The following TBC1D1 variants were observed in gnomAD, a reference collection of about 807,000 sequenced individuals.
The protein encoded by TBC1D1 is TBC1 domain family member 1, also known as TBC1 (tre-2/USP6, BUB2, cdc16) domain family, member 1.
Under a neutral mutation model 125.6 loss-of-function variants are expected in TBC1D1, and 89 were observed. The ratio of observed to expected loss-of-function variants is 0.71; its 90% CI spans 0.60 to 0.85. The LOEUF is 0.85. TBC1D1 is among the 40% of genes least tolerant of loss of function. The pLI is 0.00. For synonymous variants in TBC1D1, 565 were observed against 564.1 expected (o/e 1.00, Z -0.02); for missense variants, 1,377 against 1,469.2 (o/e 0.94, Z 1.03).
intron 2 of TBC1D1, among the ~76,000 whole-genome samples, chr4:37,904,348 C>T (rs568673672): frequency 6.6e-6 from 1 of 152,300 alleles, no homozygotes; most frequent in East Asian, 1.9e-4. Context: ...TTAAAAACTA[C>T]ACGTATAACT....
At chr4:38,063,975 T>G (rs2152500614) in intron 12 of TBC1D1, among the ~76,000 whole-genome samples, 1 of 152,316 alleles carries the variant, frequency 6.6e-6, no homozygotes, top group East Asian at 1.9e-4. Flanking sequence ...AACCTGTAGT[T>G]GTCACTTGCC....
chr4:37,950,849 C>T (rs1304480756), intron 2 of TBC1D1, among the ~76,000 whole-genome samples: 1 of 151,548 alleles, frequency 6.6e-6, no homozygotes, highest in Non-Finnish European at 1.5e-5. Context: ...ACCCCCACCT[C>T]CCAGGTTCAA....
intron 12 of TBC1D1, among the ~76,000 whole-genome samples, chr4:38,061,839 T>G (rs1752824639): frequency 6.6e-6 from 1 of 152,236 alleles, no homozygotes; most frequent in African/African-American, 2.4e-5. Flanking sequence ...ACTTAGGAAC[T>G]GATTTGAAAC....
At chr4:38,036,018 G>C (rs531780247) in intron 8 of TBC1D1, among the ~76,000 whole-genome samples, 1 of 152,062 alleles carries the variant, frequency 6.6e-6, no homozygotes, top group Admixed American at 6.6e-5. Flanking sequence ...TTGTCACCTC[G>C]CCTTTCTTCT....
chr4:38,111,694 G>T (rs1044049118), intron 15 of TBC1D1, among the ~76,000 whole-genome samples: 4 of 152,168 alleles, frequency 2.6e-5, no homozygotes, highest in Non-Finnish European at 5.9e-5. Context: ...CAGGGGGAGG[G>T]CCTCATGGAC....
At chr4:38,015,445 T>C (rs2152428257) in intron 3 of TBC1D1, among the ~76,000 whole-genome samples, 1 of 152,284 alleles carries the variant, frequency 6.6e-6, no homozygotes, top group South Asian at 2.1e-4. Flanking sequence ...AAATATTAAT[T>C]TAGCCAATGG....
In TBC1D1 at chr4:38,133,140, C is replaced by A; in HGVS notation, c.3189C>A (p.Val1063=). 6.2e-7 allele frequency: 1 copy of A among 1,614,126 alleles called. No homozygotes were observed. The highest frequency in any genetic ancestry group is 8.5e-7 in the Non-Finnish European group (1 of 1,179,990). The change falls in exon 19 of 20, where the codon GTC becomes GTA. Residue 1063 remains valine, a synonymous_variant. Coordinates refer to ENST00000261439, the MANE Select transcript of TBC1D1 (RefSeq NM_015173.4). The stretch of plus-strand genomic sequence containing the variant: ...AAGCTTATGAAGTTGAGTACCACGT[C>A]CTTCAAGAAGAACTTATCGATTCCT...
At chr4:37,932,408 A>G (rs1056828470) in intron 2 of TBC1D1, among the ~76,000 whole-genome samples, 1 of 152,184 alleles carries the variant, frequency 6.6e-6, no homozygotes, top group East Asian at 1.9e-4. Flanking sequence ...TTTATTCCTC[A>G]TTGATGCTTA....
At chr4:38,002,612 C>G (rs576542987) in intron 2 of TBC1D1, among the ~76,000 whole-genome samples, 1 of 152,294 alleles carries the variant, frequency 6.6e-6, no homozygotes, top group East Asian at 1.9e-4. Context: ...TTGCAGTATG[C>G]CAGACAGTGT....
intron 8 of TBC1D1, among the ~76,000 whole-genome samples, chr4:38,042,112 G>T (rs1376028289): frequency 6.6e-6 from 1 of 151,932 alleles, no homozygotes; most frequent in Non-Finnish European, 1.5e-5. Context: ...GGAGGTAGAG[G>T]TTGCAGTAAG....
In TBC1D1 at chr4:38,014,942, A is replaced by G. The variant is rs1578274933; in HGVS notation, c.851A>G (p.Asp284Gly). 1 of 1,555,888 alleles carries G rather than the reference A, an allele frequency of 6.4e-7. No homozygotes were observed. The highest frequency in any genetic ancestry group is 1.2e-5 in the South Asian group (1 of 84,848). Residue 284 changes from aspartate to glycine, a missense_variant, in exon 3 of 20, where the codon GAT (aspartate) becomes GGT (glycine). Physicochemically the swap from Asp to Gly is moderately conservative, Grantham distance 94. Coordinates refer to ENST00000261439, the MANE Select transcript of TBC1D1 (RefSeq NM_015173.4). The surrounding 1 kb of genome is among the most constrained non-coding windows in gnomAD (Gnocchi z 5.1). Reference sequence around the variant, plus strand: ...GGACACAATATTGTGCAGCCCACAGATATCGAGGAAAATCGAACTATGCTC... The same window carrying G: ...GGACACAATATTGTGCAGCCCACAGGTATCGAGGAAAATCGAACTATGCTC...
chr4:37,999,994 T>C (rs188984953), intron 2 of TBC1D1, among the ~76,000 whole-genome samples: 40 of 152,344 alleles, frequency 2.6e-4, no homozygotes, highest in Admixed American at 2.1e-3. Context: ...TTATACTGTG[T>C]AGAAATTAAT....
intron 2 of TBC1D1, among the ~76,000 whole-genome samples, chr4:37,992,993 G>A (rs6531600): frequency 0.18 from 28,011 of 151,594 alleles, 3,345 homozygotes; most frequent in African/African-American, 0.35. Flanking sequence ...TAGTAGAGAT[G>A]GGGTTTCACC....
At chr4:37,956,083 G>C (rs1327966658) in intron 2 of TBC1D1, among the ~76,000 whole-genome samples, 1 of 151,426 alleles carries the variant, frequency 6.6e-6, no homozygotes, top group East Asian at 1.9e-4. Context: ...TGGAGTACCG[G>C]TGTCGTGATC....
intron 2 of TBC1D1, among the ~76,000 whole-genome samples, chr4:37,934,141 G>C (rs950125833): frequency 2.0e-5 from 3 of 152,190 alleles, no homozygotes; most frequent in African/African-American, 7.2e-5. Flanking sequence ...AGTGTGTTAT[G>C]GTCCAAATGC....
At chr4:38,040,720 CTTT>C (rs745508007) in intron 8 of TBC1D1, among the ~76,000 whole-genome samples, 2 of 152,200 alleles carry the variant, frequency 1.3e-5, no homozygotes. Context: ...CCTGGGAGCC[CTTT>C]GTGGGCAATT....
intron 15 of TBC1D1, among the ~76,000 whole-genome samples, chr4:38,104,940 A>G (rs1761027881): frequency 6.6e-6 from 1 of 151,696 alleles, no homozygotes. Context: ...TATTTTTAGT[A>G]GAGACGGGGT....
At chr4:38,043,088 G>A (rs1748706011) in intron 8 of TBC1D1, among the ~76,000 whole-genome samples, 1 of 151,898 alleles carries the variant, frequency 6.6e-6, no homozygotes, top group South Asian at 2.1e-4. Context: ...TTTTAGTAGA[G>A]ACAGGGTTTC....
chr4:38,091,209 A>T (rs1411638976), intron 13 of TBC1D1, among the ~76,000 whole-genome samples: 2 of 152,254 alleles, frequency 1.3e-5, no homozygotes, highest in South Asian at 4.1e-4. Flanking sequence ...AAAATGAGAT[A>T]TAAAGGAATA....
Sources: gnomAD v4.1 joint callset for allele counts (sites outside exome capture counted in the v4.1 genomes callset) on GRCh38, gnomAD v4.1.1 for gene constraint, Gnocchi (gnomAD v3.1) non-coding constraint, MANE v1.5 for transcripts, NCBI Gene and HGNC (gene_info 2026-07-23, HGNC 2026-07-21) for gene names.